Variants in PRKCA observed in about 807,000 individuals in gnomAD.
The protein encoded by PRKCA is protein kinase C alpha type.
PRKCA carries 27 observed loss-of-function variants against 87.0 expected under a neutral mutation model. The observed-to-expected ratio is 0.31, with a 90% confidence interval of 0.23 to 0.43. The LOEUF (loss-of-function observed/expected upper bound fraction) is 0.43, where lower values mean the gene tolerates loss of function less well. Ranked by LOEUF, PRKCA falls within the 20% of genes least tolerant of loss-of-function variation. The pLI is 1.00. For synonymous variants in PRKCA, 329 were observed against 311.1 expected, an observed-to-expected ratio of 1.06 and a Z score of -0.61; for missense variants, 518 against 852.3, an observed-to-expected ratio of 0.61 and a Z score of 4.88.
At chr17:66,641,915 G>A (rs894936194) in intron 4 of PRKCA, among the ~76,000 whole-genome samples, 5 of 152,068 alleles carry the variant, frequency 3.3e-5, no homozygotes, top group Non-Finnish European at 5.9e-5. Flanking sequence ...TCTTAAAACT[G>A]AAACCAAAAT....
intron 3 of PRKCA, among the ~76,000 whole-genome samples, chr17:66,575,216 G>A (rs554309279): frequency 7.2e-5 from 11 of 152,272 alleles, no homozygotes; most frequent in Admixed American, 7.2e-4. Context: ...GGGATGATTC[G>A]CATCCCAGAT....
Position 66,418,673 on chromosome 17 carries a change from G to A in PRKCA, c.206-77528G>A, listed in dbSNP as rs188568925. Among the ~76,000 whole-genome samples, 24 of 152,162 alleles carry A rather than the reference G, an allele frequency of 1.6e-4. No individual in the cohort carries two copies. In the East Asian group the frequency reaches 4.1e-3, roughly 26 times the overall value. On this transcript the variant is annotated intron_variant, in intron 2 of 16. Transcript: ENST00000413366. The stretch of plus-strand genomic sequence containing the variant: ...GGTGGCCTCGATCTCCTGACCTCAA[G>A]TGATCTTCCAGCCCCAGCCTCCTAA...
chr17:66,722,785 G>C (rs540747591), intron 8 of PRKCA, among the ~76,000 whole-genome samples: 7 of 152,030 alleles, frequency 4.6e-5, no homozygotes, highest in Non-Finnish European at 1.0e-4. Context: ...CCTGGATTCT[G>C]GGTTGTTGAA....
chr17:66,444,868 T>C (rs1913952992), intron 2 of PRKCA, among the ~76,000 whole-genome samples: 1 of 152,178 alleles, frequency 6.6e-6, no homozygotes, highest in Non-Finnish European at 1.5e-5. Context: ...CTTGTTTCTT[T>C]TCTTAGCATT....
chr17:66,738,219 C>G (rs1974081275), intron 10 of PRKCA, among the ~76,000 whole-genome samples: 1 of 152,208 alleles, frequency 6.6e-6, no homozygotes, highest in Admixed American at 6.5e-5. Context: ...ATTAGCATCT[C>G]CATCTAGAGT....
At position 66,623,366 on chromosome 17, in the gene PRKCA, T is replaced by G. The variant is rs148395176; in HGVS notation, c.289-17989T>G. On this transcript the variant is annotated intron_variant, in intron 3 of 16. Coordinates refer to ENST00000413366, the MANE Select transcript of PRKCA (RefSeq NM_002737.3). ...TGTTTAGAGACCTTGGAAGCCTGAT[T>G]TGCAAAGTAACTTCATGTAATGGTG... Among the ~76,000 whole-genome samples, 735 of 152,322 alleles carry G rather than the reference T, an allele frequency of 4.8e-3. 8 individuals are homozygous for G. The highest frequency in any genetic ancestry group is 0.015 in the African/African-American group (608 of 41,568).
At chr17:66,475,280 C>T (rs1220064135) in intron 2 of PRKCA, among the ~76,000 whole-genome samples, 1 of 152,098 alleles carries the variant, frequency 6.6e-6, no homozygotes, top group East Asian at 1.9e-4. Flanking sequence ...CCTCCTCCAT[C>T]CTAGATAATA....
At position 66,642,641 on chromosome 17, in the gene PRKCA, A is replaced by C. The variant is rs187484469; in HGVS notation, c.400+1175A>C. On this transcript the variant is annotated intron_variant, in intron 4 of 16. Coordinates refer to ENST00000413366, the MANE Select transcript of PRKCA (RefSeq NM_002737.3). The stretch of plus-strand genomic sequence containing the variant: ...GATATTTGTATCTTACATGGAGCAA[A>C]CTGTAGAAAAAGAAACATAAACGAG... 3.8e-3 allele frequency among the ~76,000 whole-genome samples: 572 copies of C among 152,328 alleles called. 3 individuals carry two copies. Among genetic ancestry groups the C allele is most frequent in the Non-Finnish European group, 5.8e-3 (397 of 68,032 alleles).
chr17:66,659,427 A>C (rs1158276), intron 5 of PRKCA, among the ~76,000 whole-genome samples: 87,203 of 151,924 alleles, frequency 0.57, 25,376 homozygotes, highest in African/African-American at 0.69. Flanking sequence ...TTGAAAGTCA[A>C]GGATGTAGGC....
intron 13 of PRKCA, among the ~76,000 whole-genome samples, chr17:66,769,422 A>G (rs1019479742): frequency 7.9e-5 from 12 of 151,950 alleles, no homozygotes; most frequent in Non-Finnish European, 8.8e-5. Context: ...CCTGTGTTTA[A>G]TACTTTGCTT....
At chr17:66,544,406 A>C (rs1053926260) in intron 3 of PRKCA, among the ~76,000 whole-genome samples, 10 of 152,220 alleles carry the variant, frequency 6.6e-5, no homozygotes, top group African/African-American at 2.2e-4. Context: ...CAAGGGACTT[A>C]AAGTGCGTTT....
intron 2 of PRKCA, among the ~76,000 whole-genome samples, chr17:66,405,202 A>G (rs1343009514): frequency 7.9e-5 from 12 of 152,108 alleles, no homozygotes; most frequent in East Asian, 1.9e-4. Context: ...CACTGCGTGC[A>G]CTCCACACGT....
intron 3 of PRKCA, among the ~76,000 whole-genome samples, chr17:66,536,615 G>T (rs978573152): frequency 1.3e-5 from 2 of 152,196 alleles, no homozygotes; most frequent in African/African-American, 4.8e-5. Context: ...GCTGCAGAAG[G>T]GGGGATGCTG....
intron 2 of PRKCA, among the ~76,000 whole-genome samples, chr17:66,389,108 CCT>C (rs1437700643): frequency 6.6e-6 from 1 of 152,190 alleles, no homozygotes; most frequent in African/African-American, 2.4e-5. Context: ...CGGCGCGGCA[CCT>C]TCCCACGCAA....
At chr17:66,663,984 C>T (rs1971975609) in intron 5 of PRKCA, among the ~76,000 whole-genome samples, 1 of 151,992 alleles carries the variant, frequency 6.6e-6, no homozygotes, top group Non-Finnish European at 1.5e-5. Context: ...TCTCGTGGCT[C>T]AGCCTCCTGA....
intron 2 of PRKCA, chr17:66,364,317 C>T (rs559397918): frequency 2.0e-5 from 3 of 152,288 alleles, no homozygotes; most frequent in African/African-American, 7.2e-5. Context: ...TAGACCCCAT[C>T]TCAATCAATC....
chr17:66,434,001 C>T lies in PRKCA; in HGVS notation c.206-62200C>T, dbSNP rs1233389625. On this transcript the variant is annotated intron_variant, in intron 2 of 16. Coordinates refer to ENST00000413366, the MANE Select transcript of PRKCA (RefSeq NM_002737.3). ...CAGTTTGTGGATGGAGCAGGTAGGG[C>T]GCACGGAGGTGAATCTCCTGAGCCA... 5.9e-5 allele frequency among the ~76,000 whole-genome samples: 9 copies of T among 152,166 alleles called. No individual in the cohort carries two copies. In the East Asian group the frequency reaches 7.8e-4, roughly 13 times the overall value.
intron 2 of PRKCA, among the ~76,000 whole-genome samples, chr17:66,347,030 A>T (rs1175401490): frequency 1.2e-5 from 1 of 80,594 alleles, no homozygotes; most frequent in East Asian, 3.3e-4. Flanking sequence ...GACTCCATCT[A>T]AAAAAAAAAA....
intron 3 of PRKCA, among the ~76,000 whole-genome samples, chr17:66,509,099 T>C (rs1445418102): frequency 2.0e-5 from 3 of 152,126 alleles, no homozygotes; most frequent in Non-Finnish European, 4.4e-5. Context: ...TCCCAGTGTT[T>C]CATTGGCCAA....
Sources: allele counts gnomAD v4.1 joint callset (sites outside exome capture counted in the v4.1 genomes callset), GRCh38; gene constraint gnomAD v4.1.1; transcripts MANE v1.5; gene names NCBI Gene and HGNC (gene_info 2026-07-23, HGNC 2026-07-21).